The following ZNF282 variants were observed in gnomAD, a reference collection of about 807,000 sequenced individuals.
ZNF282 encodes HTLV-I U5 repressive element-binding protein 1.
ZNF282 carries 30 observed loss-of-function variants against 61.9 expected under a neutral mutation model. The ratio of observed to expected loss-of-function variants is 0.48; its 90% CI spans 0.36 to 0.66. The LOEUF is 0.66. ZNF282 is among the 30% of genes least tolerant of loss of function. ZNF282 has a pLI of 0.00. For synonymous variants in ZNF282, 396 were observed against 405.0 expected, an observed-to-expected ratio of 0.98 and a Z score of 0.27; for missense variants, 788 against 941.4, an observed-to-expected ratio of 0.84 and a Z score of 2.13.
intron 4 of ZNF282, 47 bp downstream of exon 4, chr7:149,207,517 G>C (rs994259647): frequency 6.4e-7 from 1 of 1,550,814 alleles, no homozygotes; most frequent in Non-Finnish European, 8.7e-7. Flanking sequence ...GGGCGAGAGA[G>C]GACAGCCGGC....
chr7:149,203,224 C>T (rs528483395), intron 2 of ZNF282, among the ~76,000 whole-genome samples: 9 of 152,192 alleles, frequency 5.9e-5, no homozygotes, highest in African/African-American at 1.7e-4. Context: ...GGCACTGTGG[C>T]GTGTTCTGTG....
At chr7:149,197,545 T>C (rs1795838369) in intron 1 of ZNF282, among the ~76,000 whole-genome samples, 1 of 152,188 alleles carries the variant, frequency 6.6e-6, no homozygotes, top group Non-Finnish European at 1.5e-5. Context: ...CCATCTCGGC[T>C]CACTGCAACC....
At chr7:149,218,846 G>A (rs1796196794) in intron 7 of ZNF282, among the ~76,000 whole-genome samples, 1 of 152,192 alleles carries the variant, frequency 6.6e-6, no homozygotes, top group Non-Finnish European at 1.5e-5. Context: ...CACAGCAAAA[G>A]GATTCAAATC....
rs1298790861 is a variant in ZNF282 at position 149,224,544 on chromosome 7, G to C, written c.1913G>C (p.Ser638Thr). Residue 638 changes from serine to threonine, a missense_variant, in exon 8 of 8, where the codon AGC becomes ACC. Physicochemically the swap from Ser to Thr is moderately conservative, Grantham distance 58. Coordinates refer to ENST00000610704, the MANE Select transcript of ZNF282 (RefSeq NM_003575.4). ...RPYTCGECGK[S>T]FRYKESLKDH... ...TACACGTGCGGCGAGTGCGGCAAGA[G>C]CTTCCGCTACAAGGAGTCGCTCAAG... 1.2e-6 allele frequency: 2 copies of C among 1,610,124 alleles called. No homozygotes were observed. Among genetic ancestry groups the C allele is most frequent in the Non-Finnish European group, 1.7e-6 (2 of 1,179,632 alleles).
chr7:149,204,581 G>A (rs577445471), intron 2 of ZNF282, among the ~76,000 whole-genome samples: 3 of 152,212 alleles, frequency 2.0e-5, no homozygotes, highest in South Asian at 2.1e-4. Context: ...ACATACCGTC[G>A]GCCTTGGATT....
At chr7:149,202,913 C>G (rs1216157248) in intron 2 of ZNF282, among the ~76,000 whole-genome samples, 2 of 152,122 alleles carry the variant, frequency 1.3e-5, no homozygotes, top group Non-Finnish European at 2.9e-5. Flanking sequence ...TGCCTCTCTC[C>G]AGCTGGAGAG....
intron 2 of ZNF282, among the ~76,000 whole-genome samples, chr7:149,203,353 G>GT (rs1162022722): frequency 6.6e-6 from 1 of 152,046 alleles, no homozygotes; most frequent in Non-Finnish European, 1.5e-5. Flanking sequence ...CCACTTACTG[G>GT]TTTTTTGTTT....
chr7:149,224,548 C>G lies in ZNF282; in HGVS notation c.1917C>G (p.Phe639Leu), dbSNP rs1397669634. The change falls in exon 8 of 8, where the codon TTC becomes TTG. Residue 639 changes from phenylalanine (F) to leucine (L), a missense_variant. Physicochemically the swap from Phe to Leu is conservative, Grantham distance 22. Around this residue, in one of 3 missense-constraint regions of ZNF282, gnomAD observed 559 missense variants for 642.0 expected, o/e 0.87. Transcript: ENST00000610704. ...PYTCGECGKS[F>L]RYKESLKDHL... ...CGTGCGGCGAGTGCGGCAAGAGCTT[C>G]CGCTACAAGGAGTCGCTCAAGGACC... 1.2e-6 allele frequency: 2 copies of G among 1,609,630 alleles called. No individual in the cohort carries two copies. Among genetic ancestry groups the G allele is most frequent in the Admixed American group, 3.3e-5 (2 of 59,760 alleles).
In ZNF282 at chr7:149,225,961, C is replaced by G. The variant is rs1205233252; in HGVS notation, c.*1314C>G. 6.6e-6 allele frequency: 1 copy of G among 152,554 alleles called. No homozygotes were observed. The highest frequency in any genetic ancestry group is 2.4e-5 in the African/African-American group (1 of 41,458). 9.5% of individuals were successfully genotyped at this position (152,554 alleles called of 1,614,324 possible). ...CGGGTGGGGTGGTATGCCCCAGGAC[C>G]CTTGTTTGTGTCAAAAATGACTTTC... On this transcript the variant is annotated 3_prime_UTR_variant, in exon 8 of 8. Coordinates refer to ENST00000610704, the MANE Select transcript of ZNF282 (RefSeq NM_003575.4).
At chr7:149,207,182 G>T (rs1429199354) in intron 3 of ZNF282, among the ~76,000 whole-genome samples, 169 bp from the exon 4 acceptor site, 4 of 103,634 alleles carry the variant, frequency 3.9e-5, no homozygotes, top group African/African-American at 9.3e-5. Context: ...AGAAATTTGG[G>T]CATCTATCGA....
intron 7 of ZNF282, among the ~76,000 whole-genome samples, chr7:149,222,218 G>A (rs1796266758): frequency 6.6e-6 from 1 of 152,232 alleles, no homozygotes; most frequent in African/African-American, 2.4e-5. Flanking sequence ...ATTTCCTGGG[G>A]TGGTAGGTTG....
Position 149,224,796 on chromosome 7 carries a change from C to G in ZNF282, c.*149C>G. 1 of 1,326,458 alleles carries G rather than the reference C, an allele frequency of 7.5e-7. No homozygotes were observed. Among genetic ancestry groups the G allele is most frequent in the Non-Finnish European group, 1.0e-6 (1 of 1,001,404 alleles). The allele number at this position is 1,326,458 out of a possible 1,614,324, so 82.2% of individuals were successfully genotyped here. A position where few individuals can be genotyped will look rare whatever the true frequency, so the allele number is the denominator to read the frequency against. Reference sequence around the variant, plus strand: ...GGGTCCCCCAGGGTGGGGCAGGGATCCCCCAGATCTGTCTGGTCTGAATGG... The same window carrying G: ...GGGTCCCCCAGGGTGGGGCAGGGATGCCCCAGATCTGTCTGGTCTGAATGG... On this transcript the variant is annotated 3_prime_UTR_variant, in exon 8 of 8. Transcript: ENST00000610704.
Position 149,224,663 on chromosome 7 carries a change from G to C in ZNF282, c.*16G>C, listed in dbSNP as rs1412757539. ...GCGAGACTAGGGCTGGGCTGGGGGAGGGCAGGGCCGGACGGAGTGGATCGG... is the reference window on the plus strand; with the variant it reads ...GCGAGACTAGGGCTGGGCTGGGGGACGGCAGGGCCGGACGGAGTGGATCGG... On this transcript the variant is annotated 3_prime_UTR_variant, in exon 8 of 8. Coordinates refer to ENST00000610704, the MANE Select transcript of ZNF282 (RefSeq NM_003575.4). 1 of 1,492,108 alleles carries C rather than the reference G, an allele frequency of 6.7e-7. No individual in the cohort carries two copies. Among genetic ancestry groups the C allele is most frequent in the African/African-American group, 1.4e-5 (1 of 72,062 alleles). 92.4% of individuals were successfully genotyped at this position (1,492,108 alleles called of 1,614,324 possible).
intron 6 of ZNF282, among the ~76,000 whole-genome samples, chr7:149,212,904 A>C (rs1157711919): frequency 6.6e-6 from 1 of 152,200 alleles, no homozygotes; most frequent in Non-Finnish European, 1.5e-5. Context: ...TTTTTGAACA[A>C]TAAAAACAAC....
rs1454875788 is a variant in ZNF282, at chr7:149,224,922, G to T, written c.*275G>T. ...GCACCGCCCTCACACCTCCTCGAGT[G>T]CCCTGGGACCACTGGGCCACAGATG... On this transcript the variant is annotated 3_prime_UTR_variant, in exon 8 of 8. Coordinates refer to ENST00000610704, the MANE Select transcript of ZNF282 (RefSeq NM_003575.4). 4 of 478,020 alleles carry T rather than the reference G, an allele frequency of 8.4e-6. No individual in the cohort carries two copies. The highest frequency in any genetic ancestry group is 1.5e-5 in the Non-Finnish European group (4 of 274,332). The allele number at this position is 478,020 out of a possible 1,614,324, so 29.6% of individuals were successfully genotyped here.
chr7:149,207,261 G>T, intron 3 of ZNF282, 90 bp from the exon 4 acceptor site: 4 of 1,475,816 alleles, frequency 2.7e-6, no homozygotes, highest in Non-Finnish European at 3.6e-6. Context: ...AGGAGAGGGG[G>T]AGATGGGGTA....
chr7:149,210,493 A>C, intron 4 of ZNF282, 92 bp from the exon 5 acceptor site: 1 of 1,563,056 alleles, frequency 6.4e-7, no homozygotes, highest in Non-Finnish European at 8.7e-7. Flanking sequence ...AGAAAAAAAG[A>C]CACAAAGCAA....
intron 7 of ZNF282, among the ~76,000 whole-genome samples, chr7:149,222,248 G>T (rs1210487564): frequency 6.6e-6 from 1 of 152,232 alleles, no homozygotes; most frequent in African/African-American, 2.4e-5. Flanking sequence ...TGCCACGAGT[G>T]CAAGGAGGGC....
chr7:149,207,997 TTGA>T (rs1327021578), intron 4 of ZNF282, among the ~76,000 whole-genome samples: 1 of 152,138 alleles, frequency 6.6e-6, no homozygotes, highest in African/African-American at 2.4e-5. Flanking sequence ...CACATCACAC[TTGA>T]TGAGCTCTTG....
Sources: allele counts gnomAD v4.1 joint callset (sites outside exome capture counted in the v4.1 genomes callset), GRCh38; gene constraint gnomAD v4.1.1; regional missense constraint gnomAD v4.1.1; transcripts MANE v1.5; gene names NCBI Gene and HGNC (gene_info 2026-07-23, HGNC 2026-07-21).